Variants in ITGA9 observed in about 807,000 individuals in gnomAD.
The protein encoded by ITGA9 is integrin alpha-9.
ITGA9 carries 56 observed loss-of-function variants against 127.8 expected under a neutral mutation model. The ratio of observed to expected loss-of-function variants is 0.44; its 90% CI spans 0.35 to 0.55. ITGA9 has a LOEUF of 0.55. ITGA9 is among the 20% of genes least tolerant of loss of function. ITGA9 has a pLI of 0.00. For missense variants in ITGA9, 1,196 were observed against 1,347.1 expected (o/e 0.89, Z 1.76); for synonymous variants, 508 against 514.5 (o/e 0.99, Z 0.17).
intron 16 of ITGA9, among the ~76,000 whole-genome samples, 174 bp from the exon 17 acceptor site, chr3:37,653,540 G>C (rs1291738446): frequency 2.6e-5 from 4 of 152,148 alleles, no homozygotes; most frequent in Non-Finnish European, 1.5e-5. Flanking sequence ...GGCTTCCTTG[G>C]AGCTTGGAAG....
intron 15 of ITGA9, among the ~76,000 whole-genome samples, chr3:37,581,387 G>A (rs533842685): frequency 4.6e-5 from 7 of 152,294 alleles, no homozygotes; most frequent in African/African-American, 1.4e-4. Context: ...TCTTGAGCGC[G>A]TGATTGGTGA....
chr3:37,622,168 A>G (rs1700134648), intron 15 of ITGA9, among the ~76,000 whole-genome samples: 1 of 149,642 alleles, frequency 6.7e-6, no homozygotes, highest in Non-Finnish European at 1.5e-5. Flanking sequence ...GCTCACTGCA[A>G]GCTCCACCTC....
At position 37,533,377 on chromosome 3, in the gene ITGA9, G is replaced by A. The variant is rs201894427; in HGVS notation, c.1437G>A (p.Ala479=). The A allele has an allele frequency of 2.8e-5, 46 of 1,614,126 alleles. No individual in the cohort carries two copies. The African/African-American group carries it at 3.5e-4, about 12-fold the overall frequency. Residue 479 remains alanine, a synonymous_variant, in exon 14 of 28, where the codon GCG becomes GCA. Transcript: ENST00000264741. The part of the protein sequence containing the change: ...IFLPGSINIT[A]PQCHDGQQPV... ...TCCCGGGCTCCATCAACATCACAGC[G>A]CCTCAGTGTCACGACGGACAGCAGC...
At chr3:37,567,185 G>A (rs1274873749) in intron 15 of ITGA9, among the ~76,000 whole-genome samples, 2 of 152,230 alleles carry the variant, frequency 1.3e-5, no homozygotes, top group Non-Finnish European at 2.9e-5. Context: ...AGCAGAAAGC[G>A]AAAGGCACGT....
chr3:37,761,726 G>A (rs945743265), intron 23 of ITGA9, among the ~76,000 whole-genome samples: 14 of 152,172 alleles, frequency 9.2e-5, no homozygotes, highest in African/African-American at 3.4e-4. Flanking sequence ...TAGGAGTTCA[G>A]CAGGACTTGT....
chr3:37,481,552 C>T lies in ITGA9; in HGVS notation c.489C>T (p.Tyr163=), dbSNP rs1698555249. 4 of 1,614,168 alleles carry T rather than the reference C, an allele frequency of 2.5e-6. No homozygotes were observed. In the East Asian group the frequency reaches 6.7e-5, roughly 27 times the overall value. The change falls in exon 4 of 28, where the codon TAC becomes TAT. Residue 163 remains tyrosine, a synonymous_variant. Coordinates refer to ENST00000264741, the MANE Select transcript of ITGA9 (RefSeq NM_002207.3). ...ACATCCTACCCCATGGCTTCTGCTA[C>T]ATCATCCCCTCCAACCTCCAGGCCA... The part of the protein sequence containing the change: ...ADHILPHGFC[Y]IIPSNLQAKG...
At chr3:37,576,844 C>G (rs947916525) in intron 15 of ITGA9, among the ~76,000 whole-genome samples, 6 of 152,238 alleles carry the variant, frequency 3.9e-5, no homozygotes, top group African/African-American at 1.4e-4. Flanking sequence ...AGTGATCCAC[C>G]TACCTCGGCC....
intron 26 of ITGA9, among the ~76,000 whole-genome samples, chr3:37,800,137 T>C (rs1697220849): frequency 6.6e-6 from 1 of 152,182 alleles, no homozygotes; most frequent in Non-Finnish European, 1.5e-5. Context: ...CTTGACAGAC[T>C]AAACTGTAGC....
intron 18 of ITGA9, among the ~76,000 whole-genome samples, chr3:37,685,193 T>C (rs538633819): frequency 3.0e-4 from 45 of 152,306 alleles, no homozygotes; most frequent in Non-Finnish European, 5.9e-4. Flanking sequence ...ACGGCGTTTG[T>C]TCAGGCACAT....
At chr3:37,623,673 ATGTGTGTGTGTGTGTGTCTGTGTGTG>A (rs1210018714) in intron 15 of ITGA9, among the ~76,000 whole-genome samples, 1 of 118,168 alleles carries the variant, frequency 8.5e-6, no homozygotes, top group Non-Finnish European at 1.8e-5. Flanking sequence ...GTGTGTGTGT[ATGTGTGTGTGTGTGTGTCTGTGTGTG>A]TGTGTGTGTG....
chr3:37,706,986 C>G lies in ITGA9; in HGVS notation c.2067+22971C>G, dbSNP rs550660731. Among the ~76,000 whole-genome samples the G allele has an allele frequency of 7.6e-4, 115 of 152,244 alleles. 3 individuals are homozygous for G. In the South Asian group the frequency reaches 0.023, roughly 31 times the overall value. On this transcript the variant is annotated intron_variant, in intron 18 of 27. Transcript: ENST00000264741. ...GGTGGGGCTTCAATCTAGACCTTGCCTCTTTCTGATCACTGTTCTTGACAC... is the reference window on the plus strand; with the variant it reads ...GGTGGGGCTTCAATCTAGACCTTGCGTCTTTCTGATCACTGTTCTTGACAC...
At chr3:37,701,414 A>G (rs977878830) in intron 18 of ITGA9, among the ~76,000 whole-genome samples, 1 of 152,210 alleles carries the variant, frequency 6.6e-6, no homozygotes, top group African/African-American at 2.4e-5. Flanking sequence ...AAACAGGAGA[A>G]AAGGACAGAG....
At chr3:37,739,116 G>T in intron 20 of ITGA9, among the ~76,000 whole-genome samples, 1 of 152,064 alleles carries the variant, frequency 6.6e-6, no homozygotes, top group East Asian at 1.9e-4. Context: ...CTCTGTGCTG[G>T]GCACATTTTC....
intron 20 of ITGA9, among the ~76,000 whole-genome samples, chr3:37,740,216 CAG>C (rs1696416581): frequency 6.6e-6 from 1 of 152,098 alleles, no homozygotes; most frequent in East Asian, 1.9e-4. Context: ...ACAGAGCAGA[CAG>C]GGACTCAGCA....
intron 18 of ITGA9, among the ~76,000 whole-genome samples, chr3:37,712,761 A>G (rs938036788): frequency 6.6e-6 from 1 of 152,130 alleles, no homozygotes; most frequent in Non-Finnish European, 1.5e-5. Context: ...CAAAAATGTC[A>G]TAGAGTCTGA....
At chr3:37,662,874 C>T (rs1259777005) in intron 17 of ITGA9, among the ~76,000 whole-genome samples, 4 of 152,210 alleles carry the variant, frequency 2.6e-5, no homozygotes, top group Admixed American at 2.6e-4. Flanking sequence ...GAATACCCAC[C>T]AGACTGAGGA....
chr3:37,504,031 G>A (rs926118685), intron 6 of ITGA9, among the ~76,000 whole-genome samples: 4 of 152,236 alleles, frequency 2.6e-5, no homozygotes, highest in Non-Finnish European at 5.9e-5. Flanking sequence ...TCGCACTCAT[G>A]ATACATAACT....
chr3:37,609,932 G>A (rs181024897), intron 15 of ITGA9, among the ~76,000 whole-genome samples: 1 of 152,314 alleles, frequency 6.6e-6, no homozygotes, highest in Non-Finnish European at 1.5e-5. Flanking sequence ...AAGAGCATGT[G>A]GAGTCGGAGA....
chr3:37,607,363 C>G (rs1416993249), intron 15 of ITGA9, among the ~76,000 whole-genome samples: 3 of 152,088 alleles, frequency 2.0e-5, no homozygotes, highest in African/African-American at 7.2e-5. Flanking sequence ...TACTCAAGTG[C>G]AGATAGGGAA....
Sources: allele counts gnomAD v4.1 joint callset (sites outside exome capture counted in the v4.1 genomes callset), GRCh38; gene constraint gnomAD v4.1.1; transcripts MANE v1.5; gene names NCBI Gene and HGNC (gene_info 2026-07-23, HGNC 2026-07-21).